EPM2A: variants seen among roughly 807,000 people sequenced by gnomAD.
EPM2A encodes the protein EPM2A glucan phosphatase, laforin, also known as laforin.
Under a neutral mutation model 26.5 loss-of-function variants are expected in EPM2A, and 21 were observed. The ratio of observed to expected loss-of-function variants is 0.79; its 90% CI spans 0.56 to 1.14. The LOEUF (loss-of-function observed/expected upper bound fraction) is 1.14, where lower values mean the gene tolerates loss of function less well. Among genes scored for constraint, EPM2A ranks in the 50% most tolerant of loss-of-function variants. The pLI, the probability that EPM2A is intolerant of heterozygous loss-of-function variation, is 0.00. For synonymous variants in EPM2A, 217 were observed against 177.6 expected (o/e 1.22, Z -1.76); for missense variants, 458 against 440.8 (o/e 1.04, Z -0.35).
intron 2 of EPM2A, among the ~76,000 whole-genome samples, chr6:145,554,734 A>G (rs989614939): frequency 1.3e-5 from 2 of 152,056 alleles, no homozygotes; most frequent in African/African-American, 4.8e-5. Context: ...ATGCGGGCCT[A>G]TCTGATCTTA....
intron 4 of EPM2A, among the ~76,000 whole-genome samples, chr6:145,440,062 T>G: frequency 6.6e-6 from 1 of 152,204 alleles, no homozygotes; most frequent in Admixed American, 6.5e-5. Flanking sequence ...AACCATTTAT[T>G]GAATAGGGAG....
chr6:145,477,156 A>G (rs1330999407), intron 4 of EPM2A, among the ~76,000 whole-genome samples: 1 of 151,964 alleles, frequency 6.6e-6, no homozygotes, highest in Admixed American at 6.6e-5. Context: ...AGAGGCTACT[A>G]TGAGCAACTA....
At chr6:145,527,087 T>G (rs565719586) in intron 2 of EPM2A, among the ~76,000 whole-genome samples, 1 of 152,098 alleles carries the variant, frequency 6.6e-6, no homozygotes, top group African/African-American at 2.4e-5. Context: ...CATGTATTTA[T>G]GTGGTTTTGA....
chr6:145,526,265 T>C (rs1329729840), intron 2 of EPM2A, among the ~76,000 whole-genome samples: 1 of 151,962 alleles, frequency 6.6e-6, no homozygotes, highest in East Asian at 1.9e-4. Context: ...CCCTGGGTCC[T>C]TCCCAGGTTT....
At chr6:145,423,463 T>C (rs1032173336) in intron 4 of EPM2A, among the ~76,000 whole-genome samples, 1 of 152,120 alleles carries the variant, frequency 6.6e-6, no homozygotes, top group Non-Finnish European at 1.5e-5. Flanking sequence ...ACCTAAGATA[T>C]GTCCTGTCAT....
At chr6:145,504,333 A>T (rs200424049) in intron 2 of EPM2A, among the ~76,000 whole-genome samples, 2 of 74,232 alleles carry the variant, frequency 2.7e-5, no homozygotes, top group African/African-American at 9.3e-5. Flanking sequence ...GAAAATTTTC[A>T]CAACCTACTC....
chr6:145,394,017 GTTTCATCC>G (rs538160295), intron 4 of EPM2A, among the ~76,000 whole-genome samples: 57 of 151,820 alleles, frequency 3.8e-4, no homozygotes, highest in Non-Finnish European at 6.8e-4. Context: ...TAGAGTCAGG[GTTTCATCC>G]TGTTAGCCAG....
chr6:145,501,241 T>C (rs1779885692), downstream of EPM2A, among the ~76,000 whole-genome samples: 1 of 152,202 alleles, frequency 6.6e-6, no homozygotes, highest in Non-Finnish European at 1.5e-5. Context: ...AAAATGAATT[T>C]GGAAGAAACC....
intron 2 of EPM2A, among the ~76,000 whole-genome samples, chr6:145,643,580 T>C (rs1439651928): frequency 6.6e-6 from 1 of 152,212 alleles, no homozygotes; most frequent in Non-Finnish European, 1.5e-5. Context: ...TAGTACACAA[T>C]GAAACAGATT....
chr6:145,502,915 T>C (rs948140500), intron 2 of EPM2A, among the ~76,000 whole-genome samples: 1 of 152,244 alleles, frequency 6.6e-6, no homozygotes, highest in Non-Finnish European at 1.5e-5. Context: ...TCATGATGAA[T>C]ACATATTAAG....
At chr6:145,617,817 C>G (rs4896826) in intron 2 of EPM2A, among the ~76,000 whole-genome samples, 3,059 of 152,150 alleles carry the variant, frequency 0.02, 60 homozygotes, top group Admixed American at 0.048. Flanking sequence ...TGGCAAACAC[C>G]GGTAGTCCCA....
intron 4 of EPM2A, chr6:145,490,033 A>G (rs935709596): frequency 1.7e-5 from 23 of 1,333,182 alleles, no homozygotes; most frequent in Non-Finnish European, 2.3e-5. Flanking sequence ...CTTGTGCTGA[A>G]TCCACAGTCA....
At chr6:145,426,388 A>G (rs1180630675) in intron 4 of EPM2A, among the ~76,000 whole-genome samples, 1 of 152,252 alleles carries the variant, frequency 6.6e-6, no homozygotes. Context: ...GATTCGCATC[A>G]AAATAATTTC....
At chr6:145,701,192 A>T (rs1335151675) in intron 1 of EPM2A, among the ~76,000 whole-genome samples, 1 of 152,250 alleles carries the variant, frequency 6.6e-6, no homozygotes, top group Admixed American at 6.5e-5. Context: ...AAACAACTGA[A>T]GAAGAATTTT....
intron 4 of EPM2A, among the ~76,000 whole-genome samples, chr6:145,422,076 T>TATAGAG (rs368615331): frequency 1.5e-3 from 213 of 138,656 alleles, no homozygotes; most frequent in African/African-American, 5.0e-3. Flanking sequence ...TATATATATA[T>TATAGAG]AGAGAGAGAG....
At chr6:145,720,042 A>G (rs1414369025) in intron 1 of EPM2A, among the ~76,000 whole-genome samples, 2 of 152,160 alleles carry the variant, frequency 1.3e-5, no homozygotes, top group East Asian at 3.8e-4. Flanking sequence ...ATCTCTCAAC[A>G]TTTCTCATCT....
At chr6:145,595,911 A>G (rs1224147729) in intron 2 of EPM2A, among the ~76,000 whole-genome samples, 1 of 152,156 alleles carries the variant, frequency 6.6e-6, no homozygotes, top group Non-Finnish European at 1.5e-5. Context: ...CAGCATTCTG[A>G]TGTCAATGGA....
At chr6:145,526,832 T>C (rs978085983) in intron 2 of EPM2A, among the ~76,000 whole-genome samples, 12 of 152,084 alleles carry the variant, frequency 7.9e-5, no homozygotes, top group African/African-American at 2.9e-4. Context: ...GCTTTGGAGT[T>C]CGTTCGTTCT....
intron 2 of EPM2A, among the ~76,000 whole-genome samples, chr6:145,505,246 TA>T (rs35126192): frequency 0.071 from 10,687 of 149,838 alleles, 1,003 homozygotes; most frequent in African/African-American, 0.21. Context: ...AAAGTATAAT[TA>T]AAAAAAAAAA....
Sources: allele counts gnomAD v4.1 joint callset (sites outside exome capture counted in the v4.1 genomes callset), GRCh38; gene constraint gnomAD v4.1.1; transcripts MANE v1.5; gene names NCBI Gene and HGNC (gene_info 2026-07-23, HGNC 2026-07-21).